Variants in RC3H2 observed in about 807,000 individuals in gnomAD.
The protein encoded by RC3H2 is ring finger and CCCH-type domains 2, also known as roquin-2.
In RC3H2, 31 loss-of-function variants were observed where a neutral mutation model predicts 133.3. The observed-to-expected ratio is 0.23, with a 90% CI of 0.17 to 0.31. The LOEUF is 0.31. RC3H2 is among the 10% of genes least tolerant of loss of function. The pLI, the probability that RC3H2 is intolerant of heterozygous loss-of-function variation, is 1.00. For missense variants in RC3H2, 1,175 were observed against 1,437.2 expected, an observed-to-expected ratio of 0.82 and a Z score of 2.95; for synonymous variants, 517 against 502.2, an observed-to-expected ratio of 1.03 and a Z score of -0.40.
At chr9:122,859,276 G>A (rs1452472468) in intron 11 of RC3H2, among the ~76,000 whole-genome samples, 174 bp from the exon 12 acceptor site, 1 of 36,558 alleles carries the variant, frequency 2.7e-5, no homozygotes, top group African/African-American at 1.6e-4. Context: ...TTTTTTTTTG[G>A]TAGAGACAGG....
Position 122,846,132 on chromosome 9 carries a change from T to C in RC3H2, c.*3495A>G, listed in dbSNP as rs1213458902. On this transcript the variant is annotated 3_prime_UTR_variant, in exon 21 of 21. Coordinates refer to ENST00000357244, the MANE Select transcript of RC3H2 (RefSeq NM_001100588.3). ...GATCCCATTTGAAATTCCTACAAAT[T>C]GCCGTGCATCCTGTAATTTTCTCAA... 1 of 152,214 alleles carries C rather than the reference T, an allele frequency of 6.6e-6. No homozygotes were observed. Among genetic ancestry groups the C allele is most frequent in the African/African-American group, 2.4e-5 (1 of 41,456 alleles). The allele number at this position is 152,214 out of a possible 1,614,324, so 9.4% of individuals were successfully genotyped here.
intron 9 of RC3H2, chr9:122,874,615 T>TC (rs1831254124): frequency 6.6e-6 from 1 of 152,330 alleles, no homozygotes; most frequent in African/African-American, 2.4e-5. Context: ...CCTCCCGAGT[T>TC]CAAGCAATCC....
intron 9 of RC3H2, among the ~76,000 whole-genome samples, chr9:122,871,185 C>T (rs959008158): frequency 1.3e-3 from 194 of 152,334 alleles, no homozygotes; most frequent in African/African-American, 4.5e-3. Flanking sequence ...TAAAGCCAGT[C>T]TCACCACCTG....
intron 12 of RC3H2, among the ~76,000 whole-genome samples, chr9:122,858,330 T>C (rs776719662): frequency 1.3e-5 from 2 of 152,242 alleles, no homozygotes; most frequent in Non-Finnish European, 2.9e-5. Flanking sequence ...TTTGTATGTA[T>C]GTGGTGATAC....
intron 1 of RC3H2, among the ~76,000 whole-genome samples, chr9:122,898,737 G>A (rs373631483): frequency 4.1e-4 from 38 of 93,018 alleles, no homozygotes; most frequent in East Asian, 2.8e-3. Context: ...CAAAAAGAGC[G>A]AAACTTAATC....
intron 9 of RC3H2, among the ~76,000 whole-genome samples, chr9:122,875,782 G>C (rs1367403420): frequency 6.6e-6 from 1 of 152,214 alleles, no homozygotes; most frequent in Non-Finnish European, 1.5e-5. Context: ...CACAAACTGA[G>C]AGAAGGTCAG....
intron 18 of RC3H2, among the ~76,000 whole-genome samples, chr9:122,852,069 C>T (rs1007925386): frequency 2.0e-5 from 3 of 151,316 alleles, no homozygotes; most frequent in African/African-American, 2.4e-5. Flanking sequence ...TCTTCCCGGC[C>T]GCCATCACAT....
rs1831732119 is a variant in RC3H2 at position 122,883,303 on chromosome 9, T to C, written c.660A>G (p.Val220=). ...GTTCTAGTCTCTGCACAACAAAAAG[T>C]ACCAGAACTTTCCTTGAGAGGGCAG... ...DGSALSRKVL[V]LFVVQRLEPR... is the part of the protein sequence containing the mutation. The change falls in exon 5 of 21, where the codon GTA becomes GTG. Residue 220 remains valine (V), a synonymous_variant. Transcript: ENST00000357244. 8 of 1,613,754 alleles carry C rather than the reference T, an allele frequency of 5.0e-6. No individual in the cohort carries two copies. The highest frequency in any genetic ancestry group is 1.1e-5 in the South Asian group (1 of 91,004).
At position 122,879,880 on chromosome 9, in the gene RC3H2, T is replaced by C. The variant is rs1831530104; in HGVS notation, c.1094-7A>G. 1 of 1,613,652 alleles carries C rather than the reference T, an allele frequency of 6.2e-7. No individual in the cohort carries two copies. Among genetic ancestry groups the C allele is most frequent in the Non-Finnish European group, 8.5e-7 (1 of 1,179,648 alleles). On this transcript the variant is annotated splice_region_variant and splice_polypyrimidine_tract_variant and intron_variant, in intron 7 of 20. Transcript: ENST00000357244. ...CAAGTTGGTGAAACAGCGTCTAAAA[T>C]AAGCCACCAAGGGCATGGGGGTTGG...
chr9:122,859,839 A>G, intron 11 of RC3H2, 78 bp downstream of exon 11: 1 of 1,172,566 alleles, frequency 8.5e-7, no homozygotes. Context: ...TTAAATGTAG[A>G]CATTCTAGAA....
At chr9:122,854,709 C>T (rs1404393526) in intron 15 of RC3H2, 94 bp from the exon 16 acceptor site, 2 of 812,966 alleles carry the variant, frequency 2.5e-6, no homozygotes, top group African/African-American at 1.7e-5. Flanking sequence ...TGTATTTTAT[C>T]CCACTAGCCA....
chr9:122,861,477 C>T (rs1383831752), intron 10 of RC3H2, among the ~76,000 whole-genome samples: 3 of 128,752 alleles, frequency 2.3e-5, no homozygotes, highest in South Asian at 4.9e-4. Context: ...GCAACAAGAG[C>T]GAAACTCCGT....
At position 122,880,704 on chromosome 9, in the gene RC3H2, T is replaced by C; in HGVS notation, c.850A>G (p.Ile284Val). The C allele has an allele frequency of 1.9e-6, 3 of 1,614,034 alleles. No homozygotes were observed. The highest frequency in any genetic ancestry group is 2.2e-5 in the East Asian group (1 of 44,862). The part of the protein sequence containing the change: ...EALRREHDAQ[I>V]VHIAMEAGLR... ...CCTGCTTCCATGGCAATATGAACAA[T>C]TTGGGCATCATGTTCTCTGCGTAAT... The change falls in exon 6 of 21, where the codon ATT becomes GTT. Residue 284 changes from isoleucine (I) to valine (V), a missense_variant. Around this residue, in one of 8 missense-constraint regions of RC3H2, gnomAD observed 121 missense variants for 243.5 expected, o/e 0.50. Transcript: ENST00000357244.
At chr9:122,895,038 A>G (rs1365740414) in intron 2 of RC3H2, among the ~76,000 whole-genome samples, 1 of 152,234 alleles carries the variant, frequency 6.6e-6, no homozygotes, top group Admixed American at 6.5e-5. Flanking sequence ...AGTAAAAGAG[A>G]TAACAGAATT....
chr9:122,852,553 C>T (rs1435208031), intron 18 of RC3H2, among the ~76,000 whole-genome samples: 22 of 146,772 alleles, frequency 1.5e-4, no homozygotes, highest in Non-Finnish European at 2.9e-4. Flanking sequence ...GCCCCCCGCC[C>T]GGCCAGCCGC....
Position 122,858,748 on chromosome 9 carries a change from C to A in RC3H2, c.2204G>T (p.Arg735Ile), listed in dbSNP as rs1240229540. The change falls in exon 12 of 21, where the codon AGA becomes ATA. Residue 735 changes from arginine to isoleucine, a missense_variant. By Grantham distance (97) the Arg-to-Ile change is moderately conservative. Coordinates refer to ENST00000357244, the MANE Select transcript of RC3H2 (RefSeq NM_001100588.3). ...SSVYQTSLRE[R>I]YNSLDGYYSV... is the part of the protein sequence containing the mutation. ...ATAATATCCATCTAATGAGTTATAT[C>A]TTTCCCGCAAAGATGTCTGATAGAC... 1.9e-6 allele frequency: 3 copies of A among 1,614,122 alleles called. No individual in the cohort carries two copies. The highest frequency in any genetic ancestry group is 2.7e-5 in the African/African-American group (2 of 74,952).
At chr9:122,871,965 A>G (rs963893747) in intron 9 of RC3H2, among the ~76,000 whole-genome samples, 6 of 151,706 alleles carry the variant, frequency 4.0e-5, no homozygotes, top group African/African-American at 1.5e-4. Context: ...TGTAGTAGAG[A>G]CAAGGTCTTG....
intron 18 of RC3H2, 137 bp downstream of exon 18, chr9:122,853,813 TTC>T (rs764054435): frequency 2.0e-5 from 30 of 1,514,244 alleles, no homozygotes; most frequent in South Asian, 6.3e-5. Flanking sequence ...ACAATTTTAT[TTC>T]TGTTATAAGT....
In RC3H2 at chr9:122,903,570, A is replaced by G. The variant is rs925545573; in HGVS notation, c.-68+1540T>C. Among the ~76,000 whole-genome samples, 6 of 152,356 alleles carry G rather than the reference A, an allele frequency of 3.9e-5. No individual in the cohort carries two copies. In the East Asian group the frequency reaches 9.6e-4, roughly 24 times the overall value. On this transcript the variant is annotated intron_variant, in intron 1 of 20. Coordinates refer to ENST00000357244, the MANE Select transcript of RC3H2 (RefSeq NM_001100588.3). ...TACATGTCAGGTTACCACAACAGAA[A>G]TAACAGATCAGGGGTAACTCAAAGG...
Sources: allele counts gnomAD v4.1 joint callset (sites outside exome capture counted in the v4.1 genomes callset), GRCh38; gene constraint gnomAD v4.1.1; regional missense constraint gnomAD v4.1.1; transcripts MANE v1.5; gene names NCBI Gene and HGNC (gene_info 2026-07-23, HGNC 2026-07-21).